The following ZP2 variants were observed in gnomAD, a reference collection of about 807,000 sequenced individuals.
The protein encoded by ZP2 is zona pellucida glycoprotein 2, also known as zona pellucida sperm-binding protein 2.
ZP2 carries 51 observed loss-of-function variants against 84.0 expected under a neutral mutation model. The observed-to-expected ratio is 0.61, with a 90% CI of 0.49 to 0.77. The LOEUF (loss-of-function observed/expected upper bound fraction) is 0.77. Ranked by LOEUF, ZP2 falls within the 30% of genes least tolerant of loss-of-function variation. The probability of loss-of-function intolerance (pLI) is 0.00; values close to 1 mark genes in which losing one functional copy is unlikely to be tolerated. For missense variants in ZP2, 909 were observed against 911.9 expected (o/e 1.00, Z 0.04); for synonymous variants, 375 against 330.9 (o/e 1.13, Z -1.45).
intron 2 of ZP2, among the ~76,000 whole-genome samples, chr16:21,210,789 G>A (rs1372065055): frequency 6.6e-6 from 1 of 151,930 alleles, no homozygotes; most frequent in Non-Finnish European, 1.5e-5. Flanking sequence ...TGGCCAGGCT[G>A]GTCTCAAACT....
chr16:21,214,160 G>T, upstream of ZP2: 1 of 855,662 alleles, frequency 1.2e-6, no homozygotes, highest in Non-Finnish European at 1.4e-6. Flanking sequence ...AGGAGATGTG[G>T]TGAGAAAGCC....
Position 21,201,358 on chromosome 16 carries a change from G to T in ZP2, c.1694+11C>A. On this transcript the variant is annotated intron_variant, in intron 14 of 18. Transcript: ENST00000574091. ...TTAGCTGGGTAACCTGATAGTACAG[G>T]GAGTACCTACCCATCCACGACAACG... is the stretch of plus-strand genomic sequence containing the variant. The T allele has an allele frequency of 6.5e-7, 1 of 1,548,348 alleles. No individual in the cohort carries two copies. The highest frequency in any genetic ancestry group is 1.3e-5 in the South Asian group (1 of 79,084).
At chr16:21,209,466 G>A (rs1240638409) in intron 4 of ZP2, among the ~76,000 whole-genome samples, 165 bp downstream of exon 4, 1 of 152,144 alleles carries the variant, frequency 6.6e-6, no homozygotes, top group African/African-American at 2.4e-5. Context: ...ATCACACCTG[G>A]CCTAGACAGA....
At chr16:21,199,905 G>A in intron 14 of ZP2, 27 bp from the exon 15 acceptor site, 1 of 1,611,572 alleles carries the variant, frequency 6.2e-7, no homozygotes, top group African/African-American at 1.3e-5. Context: ...AGGGAGGGAT[G>A]TCAGTCATAT....
rs1323445032 is a variant in ZP2, at chr16:21,201,402, T to G, written c.1661A>C (p.Asp554Ala). The change falls in exon 14 of 19, where the codon GAC becomes GCC. Residue 554 changes from aspartate (D) to alanine (A), a missense_variant. By Grantham distance (126) the Asp-to-Ala change is moderately radical. Coordinates refer to ENST00000574091, the MANE Select transcript of ZP2 (RefSeq NM_001376232.1). The part of the protein sequence containing the change: ...DCWATSTMDP[D>A]SFPQWNVVVD... ...GACAACGTTCCACTGGGGGAAAGAG[T>G]CTGGATCCATGGTGGACGTCGCCCA... 1.9e-6 allele frequency: 3 copies of G among 1,598,854 alleles called. No individual in the cohort carries two copies. Among genetic ancestry groups the G allele is most frequent in the Non-Finnish European group, 2.6e-6 (3 of 1,171,650 alleles).
upstream of ZP2, among the ~76,000 whole-genome samples, chr16:21,213,454 T>C (rs1013287783): frequency 2.6e-5 from 4 of 152,230 alleles, no homozygotes; most frequent in East Asian, 5.8e-4. Context: ...TGAAATAACA[T>C]TGGAGATTAA....
intron 10 of ZP2, among the ~76,000 whole-genome samples, chr16:21,202,694 C>A (rs2093231527): frequency 6.6e-6 from 1 of 152,084 alleles, no homozygotes; most frequent in Admixed American, 6.6e-5. Context: ...GAGGCAGGAG[C>A]TGGTTTTCCT....
rs748349567 is a variant in ZP2, at chr16:21,211,393, G to C, written c.65C>G (p.Thr22Ser). 1 of 1,614,170 alleles carries C rather than the reference G, an allele frequency of 6.2e-7. No individual in the cohort carries two copies. Among genetic ancestry groups the C allele is most frequent in the Non-Finnish European group, 8.5e-7 (1 of 1,180,028 alleles). The change falls in exon 2 of 19, where the codon ACC (threonine) becomes AGC (serine). Residue 22 changes from threonine to serine, a missense_variant and splice_region_variant. Physicochemically the swap from Thr to Ser is moderately conservative, Grantham distance 58. Coordinates refer to ENST00000574091, the MANE Select transcript of ZP2 (RefSeq NM_001376232.1). Reference sequence around the variant, plus strand: ...GAAGAAGAGAGAAATCGACCTGTAGGTGCTGGAAAGAGACAGGGAGATAGT... The same window carrying C: ...GAAGAAGAGAGAAATCGACCTGTAGCTGCTGGAAAGAGACAGGGAGATAGT... The part of the protein sequence containing the change: ...PSGWFNAGWS[T>S]YRSISLFFAL...
In ZP2 at chr16:21,210,095, C is replaced by T. The variant is rs200820146; in HGVS notation, c.235+14G>A. On this transcript the variant is annotated intron_variant, in intron 3 of 18. Coordinates refer to ENST00000574091, the MANE Select transcript of ZP2 (RefSeq NM_001376232.1). ...GCTAATCAGGACTATGAGGAGATAA[C>T]ACACGTTACCTACCCACCACAGATG... The T allele has an allele frequency of 3.1e-6, 5 of 1,612,054 alleles. No homozygotes were observed. The East Asian group carries it at 1.1e-4, about 36-fold the overall frequency.
At position 21,211,411 on chromosome 16, in the gene ZP2, G is replaced by A. The variant is rs1373132130; in HGVS notation, c.63-16C>T. 1.2e-6 allele frequency: 2 copies of A among 1,614,114 alleles called. No homozygotes were observed. The highest frequency in any genetic ancestry group is 1.7e-5 in the Admixed American group (1 of 60,018). Reference sequence around the variant, plus strand: ...CCTGTAGGTGCTGGAAAGAGACAGGGAGATAGTCAAGGAAGAATGGACTTT... The same window carrying A: ...CCTGTAGGTGCTGGAAAGAGACAGGAAGATAGTCAAGGAAGAATGGACTTT... On this transcript the variant is annotated splice_polypyrimidine_tract_variant and intron_variant, in intron 1 of 18. Transcript: ENST00000574091.
At chr16:21,214,161 T>G, upstream of ZP2, 97 of 861,646 alleles carry the variant, frequency 1.1e-4, no homozygotes, top group South Asian at 1.6e-4. Context: ...GGAGATGTGG[T>G]GAGAAAGCCC....
At chr16:21,202,590 A>G (rs2093231233) in intron 10 of ZP2, among the ~76,000 whole-genome samples, 1 of 152,222 alleles carries the variant, frequency 6.6e-6, no homozygotes, top group South Asian at 2.1e-4. Flanking sequence ...GAGTTGACTC[A>G]AGGTTAAACT....
chr16:21,204,726 C>T (rs914605999), intron 7 of ZP2, among the ~76,000 whole-genome samples: 3 of 152,174 alleles, frequency 2.0e-5, no homozygotes, highest in African/African-American at 4.8e-5. Flanking sequence ...TGTGTTCTTA[C>T]TGGGAGATAG....
upstream of ZP2, among the ~76,000 whole-genome samples, chr16:21,212,143 G>A (rs1427078997): frequency 6.6e-6 from 1 of 152,078 alleles, no homozygotes; most frequent in Non-Finnish European, 1.5e-5. Context: ...GGTCAGGGTG[G>A]TCTCGAACTC....
intron 3 of ZP2, 150 bp downstream of exon 3, chr16:21,209,959 G>A: frequency 1.3e-6 from 1 of 747,024 alleles, no homozygotes; most frequent in Middle Eastern, 2.7e-4. Context: ...ATGCTGGGTG[G>A]CTTCATGCAA....
chr16:21,207,912 A>G (rs1289970305), intron 4 of ZP2, among the ~76,000 whole-genome samples: 5 of 151,788 alleles, frequency 3.3e-5, no homozygotes, highest in African/African-American at 1.2e-4. Context: ...AAACAAAAAC[A>G]AACAAAAACA....
At chr16:21,206,658 G>A (rs1484729234) in intron 5 of ZP2, among the ~76,000 whole-genome samples, 180 bp downstream of exon 5, 1 of 152,068 alleles carries the variant, frequency 6.6e-6, no homozygotes, top group East Asian at 1.9e-4. Flanking sequence ...AAGCATTATT[G>A]TCCCATCACT....
At chr16:21,209,210 A>AGCTGGAG (rs1239264636) in intron 4 of ZP2, among the ~76,000 whole-genome samples, 44 of 152,314 alleles carry the variant, frequency 2.9e-4, no homozygotes, top group African/African-American at 1.0e-3. Context: ...CTTGTTGCCC[A>AGCTGGAG]GGCTGGAGGG....
intron 9 of ZP2, 48 bp downstream of exon 9, chr16:21,203,982 C>G: frequency 1.2e-6 from 2 of 1,601,712 alleles, no homozygotes; most frequent in Non-Finnish European, 1.7e-6. Flanking sequence ...CAAGAGTATA[C>G]TTCAAGTCAG....
Sources: gnomAD v4.1 joint callset for allele counts (sites outside exome capture counted in the v4.1 genomes callset) on GRCh38, gnomAD v4.1.1 for gene constraint, MANE v1.5 for transcripts, NCBI Gene and HGNC (gene_info 2026-07-23, HGNC 2026-07-21) for gene names.